Variants in PDZD4 observed in about 807,000 individuals in gnomAD.
The protein encoded by PDZD4 is PDZ domain-containing protein 4.
In PDZD4, 9 loss-of-function variants were observed where a neutral mutation model predicts 38.5. The observed-to-expected ratio is 0.23, with a 90% CI of 0.14 to 0.41. The LOEUF (loss-of-function observed/expected upper bound fraction) is 0.41. Ranked by LOEUF, PDZD4 falls within the 10% of genes least tolerant of loss-of-function variation. The pLI, the probability that PDZD4 is intolerant of heterozygous loss-of-function variation, is 1.00. For missense variants in PDZD4, 612 were observed against 722.0 expected, an observed-to-expected ratio of 0.85 and a Z score of 1.75; for synonymous variants, 349 against 315.7, an observed-to-expected ratio of 1.11 and a Z score of -1.12.
intron 1 of PDZD4, among the ~76,000 whole-genome samples, chrX:153,809,060 T>C (rs781943345): frequency 8.9e-6 from 1 of 112,879 alleles, no homozygotes; most frequent in African/African-American, 3.2e-5. Context: ...TCATTCAGCA[T>C]CAAGCAAGAG....
intron 1 of PDZD4, among the ~76,000 whole-genome samples, chrX:153,819,794 A>C (rs1451111884): frequency 1.8e-5 from 2 of 112,151 alleles, no homozygotes; most frequent in Admixed American, 1.9e-4. Flanking sequence ...GTGACCCAGC[A>C]AAGTCCCCAT....
intron 1 of PDZD4, among the ~76,000 whole-genome samples, chrX:153,822,017 C>G (rs967053156): frequency 1.7e-4 from 19 of 109,892 alleles, no homozygotes; most frequent in African/African-American, 6.3e-4. Flanking sequence ...TGATGAAACC[C>G]TGTCTTTACT....
At chrX:153,809,794 G>A (rs2064290892) in intron 1 of PDZD4, among the ~76,000 whole-genome samples, 1 of 113,018 alleles carries the variant, frequency 8.8e-6, no homozygotes, top group African/African-American at 3.2e-5. Flanking sequence ...CTGCCCGGTG[G>A]CCAGAAGGAG....
intron 1 of PDZD4, among the ~76,000 whole-genome samples, chrX:153,820,379 G>C (rs1451827504): frequency 1.1e-5 from 1 of 94,056 alleles, no homozygotes; most frequent in Non-Finnish European, 2.1e-5. Context: ...AAAAAAGCGA[G>C]GCGTGGTGGT....
intron 1 of PDZD4, among the ~76,000 whole-genome samples, chrX:153,816,264 G>C (rs1313186047): frequency 9.2e-6 from 1 of 108,280 alleles, no homozygotes; most frequent in Admixed American, 9.6e-5. Context: ...AAGCTCTCCC[G>C]CCCACAGATG....
Position 153,804,129 on chromosome X carries a change from C to A in PDZD4, c.1552G>T (p.Ala518Ser). 2 of 1,149,645 alleles carry A rather than the reference C, an allele frequency of 1.7e-6. No homozygotes were observed. The highest frequency in any genetic ancestry group is 2.3e-6 in the Non-Finnish European group (2 of 867,589). 94.7% of individuals were successfully genotyped at this position (1,149,645 alleles called of 1,213,427 possible). The change falls in exon 8 of 8, where the codon GCC (alanine) becomes TCC (serine). Residue 518 changes from alanine (A) to serine (S), a missense_variant. Transcript: ENST00000393758. ...GGAGGAGCTGCCTTGGCGGGGGTGG[C>A]AACAGCGGGGCCGGGAGGGGTCCGG... is the stretch of plus-strand genomic sequence containing the variant. ...LNRTPPGPAV[A>S]TPAKAAPPPG...
intron 2 of PDZD4, 143 bp from the exon 3 acceptor site, chrX:153,807,512 C>T (rs1321231192): frequency 1.3e-5 from 8 of 594,249 alleles, no homozygotes; most frequent in Non-Finnish European, 2.1e-5. Context: ...CAGTTGCCTC[C>T]TGCAGAGCCC....
intron 1 of PDZD4, among the ~76,000 whole-genome samples, chrX:153,810,791 C>T (rs2064302565): frequency 8.9e-6 from 1 of 112,280 alleles, no homozygotes; most frequent in Admixed American, 9.4e-5. Flanking sequence ...GTCCTCGGAA[C>T]CCCTGTGGCC....
chrX:153,816,724 G>A (rs185823906), intron 1 of PDZD4, among the ~76,000 whole-genome samples: 1 of 111,895 alleles, frequency 8.9e-6, no homozygotes, highest in East Asian at 2.8e-4. Context: ...CTTGAGCTGA[G>A]ACCTAAATGA....
chrX:153,814,449 G>A (rs895016317), intron 1 of PDZD4, among the ~76,000 whole-genome samples: 3 of 104,454 alleles, frequency 2.9e-5, no homozygotes, highest in African/African-American at 1.1e-4. Context: ...ACTCCAGCCT[G>A]GGCAACAGAG....
intron 1 of PDZD4, among the ~76,000 whole-genome samples, chrX:153,811,830 G>A (rs1557078818): frequency 1.8e-5 from 2 of 111,966 alleles, no homozygotes; most frequent in African/African-American, 6.5e-5. Context: ...GAGGGTGGGC[G>A]GCAGCAGAGT....
At position 153,830,433 on chromosome X, in the gene PDZD4, A is replaced by T. The variant is rs868924861; in HGVS notation, c.-135T>A. 22 of 333,951 alleles carry T rather than the reference A, an allele frequency of 6.6e-5. No homozygotes were observed. The highest frequency in any genetic ancestry group is 9.1e-5 in the Non-Finnish European group (18 of 197,267). 27.5% of individuals were successfully genotyped at this position (333,951 alleles called of 1,213,427 possible). On this transcript the variant is annotated 5_prime_UTR_variant, in exon 1 of 8. Transcript: ENST00000393758. ...CGGGGGGCGGGCCGCCTAGCGGGGG[A>T]GGGGGGCACGCCCCCGAGGTGGGGG...
chrX:153,808,641 C>G (rs1557078091), intron 1 of PDZD4, 46 bp from the exon 2 acceptor site: 3 of 1,108,818 alleles, frequency 2.7e-6, no homozygotes, highest in Non-Finnish European at 3.6e-6. Context: ...AGGCTTGCTC[C>G]TCCCCTCTGA....
Position 153,804,624 on chromosome X carries a change from G to C in PDZD4, c.1057C>G (p.Pro353Ala). 1 of 1,209,651 alleles carries C rather than the reference G, an allele frequency of 8.3e-7. No individual in the cohort carries two copies. Among genetic ancestry groups the C allele is most frequent in the Non-Finnish European group, 1.1e-6 (1 of 895,396 alleles). Residue 353 changes from proline (P) to alanine (A), a missense_variant, in exon 8 of 8, where the codon CCG (proline) becomes GCG (alanine). By Grantham distance (27) the Pro-to-Ala change is conservative. Coordinates refer to ENST00000393758, the MANE Select transcript of PDZD4 (RefSeq NM_001303512.2). ...EGAGLGGGDV[P>A]GLTDEEYERY... is the part of the protein sequence containing the mutation. Reference sequence around the variant, plus strand: ...TCATACTCCTCATCCGTGAGGCCCGGGACGTCGCCCCCTCCCAGCCCCGCC... The same window carrying C: ...TCATACTCCTCATCCGTGAGGCCCGCGACGTCGCCCCCTCCCAGCCCCGCC...
chrX:153,829,182 C>T lies in PDZD4; in HGVS notation c.60+1057G>A, dbSNP rs962303298. ...CAGTCCCCGGATTCCTGGGAATTCT[C>T]CCCCGTGCCCAGCCCCTCCTTCCCC... On this transcript the variant is annotated intron_variant, in intron 1 of 7. Transcript: ENST00000393758. 4.6e-5 allele frequency among the ~76,000 whole-genome samples: 5 copies of T among 109,364 alleles called. No homozygotes were observed. The Admixed American group carries it at 4.8e-4, about 11-fold the overall frequency. 95.0% of individuals were successfully genotyped at this position (109,364 alleles called of 115,157 possible).
At chrX:153,823,785 C>T (rs1197550958) in intron 1 of PDZD4, among the ~76,000 whole-genome samples, 5 of 112,549 alleles carry the variant, frequency 4.4e-5, no homozygotes, top group African/African-American at 1.6e-4. Flanking sequence ...TCTTCACTGC[C>T]ATTTCACAGT....
intron 2 of PDZD4, chrX:153,807,753 G>T: frequency 1.3e-6 from 1 of 772,025 alleles, no homozygotes; most frequent in Non-Finnish European, 1.6e-6. Flanking sequence ...CCAGGCCCTG[G>T]AGGACTTCTG....
At chrX:153,828,521 G>C (rs2064505648) in intron 1 of PDZD4, among the ~76,000 whole-genome samples, 1 of 112,368 alleles carries the variant, frequency 8.9e-6, no homozygotes, top group African/African-American at 3.2e-5. Flanking sequence ...GCGCAGAGCA[G>C]GGAGGGCCCA....
In PDZD4 at chrX:153,802,226, G is replaced by A; in HGVS notation, c.*1127C>T. 8.8e-6 allele frequency: 1 copy of A among 113,871 alleles called. No homozygotes were observed. Among genetic ancestry groups the A allele is most frequent in the Non-Finnish European group, 1.9e-5 (1 of 53,464 alleles). 9.4% of individuals were successfully genotyped at this position (113,871 alleles called of 1,213,427 possible). A position where few individuals can be genotyped will look rare whatever the true frequency, so the allele number is the denominator to read the frequency against. ...GAGATGCAGGGGGGGAAGGGGTGGT[G>A]CAGTCTGTCTGCCTCCAATCTGGGG... On this transcript the variant is annotated 3_prime_UTR_variant, in exon 8 of 8. Transcript: ENST00000393758.
Sources: gnomAD v4.1 joint callset for allele counts (sites outside exome capture counted in the v4.1 genomes callset) on GRCh38, gnomAD v4.1.1 for gene constraint, MANE v1.5 for transcripts, NCBI Gene and HGNC (gene_info 2026-07-23, HGNC 2026-07-21) for gene names.